The following AGBL1 variants were observed in gnomAD, a reference collection of about 807,000 sequenced individuals.
The protein encoded by AGBL1 is AGBL carboxypeptidase 1.
AGBL1 carries 130 observed loss-of-function variants against 118.9 expected under a neutral mutation model. The ratio of observed to expected loss-of-function variants is 1.09; its 90% confidence interval spans 0.95 to 1.26. AGBL1 has a LOEUF of 1.26. AGBL1 is among the 50% of genes most tolerant of loss of function. The probability of loss-of-function intolerance (pLI) is 0.00; values close to 1 mark genes in which losing one functional copy is unlikely to be tolerated. For synonymous variants in AGBL1, 555 were observed against 478.9 expected (o/e 1.16, Z -2.08); for missense variants, 1,584 against 1,298.1 (o/e 1.22, Z -3.38).
At chr15:87,021,907 G>A (rs999934766) in intron 24 of AGBL1, among the ~76,000 whole-genome samples, 1 of 152,108 alleles carries the variant, frequency 6.6e-6, no homozygotes, top group Non-Finnish European at 1.5e-5. Context: ...CAGGACCCAG[G>A]AGACATGCCA....
chr15:86,747,287 C>A (rs1408943828), intron 22 of AGBL1, among the ~76,000 whole-genome samples: 1 of 151,984 alleles, frequency 6.6e-6, no homozygotes, highest in African/African-American at 2.4e-5. Flanking sequence ...AGTAATAGCC[C>A]ATGTCTCCAT....
chr15:86,562,986 G>GAT (rs1371169308), intron 21 of AGBL1, among the ~76,000 whole-genome samples: 2 of 152,066 alleles, frequency 1.3e-5, no homozygotes, highest in Admixed American at 1.3e-4. Flanking sequence ...GATCGGTGGT[G>GAT]ATATCCCCTT....
At chr15:86,818,487 C>G (rs1266398006) in intron 22 of AGBL1, among the ~76,000 whole-genome samples, 1 of 152,200 alleles carries the variant, frequency 6.6e-6, no homozygotes, top group Non-Finnish European at 1.5e-5. Context: ...GGAACAGTTT[C>G]ATTCAGAAAC....
At chr15:86,183,003 G>T (rs2077575099) in intron 5 of AGBL1, among the ~76,000 whole-genome samples, 2 of 152,154 alleles carry the variant, frequency 1.3e-5, no homozygotes, top group Admixed American at 1.3e-4. Flanking sequence ...GTGATTAAGA[G>T]CAAACTTTGA....
intron 23 of AGBL1, among the ~76,000 whole-genome samples, chr15:86,970,855 GT>G (rs1177208402): frequency 6.6e-6 from 1 of 151,864 alleles, no homozygotes; most frequent in Non-Finnish European, 1.5e-5. Flanking sequence ...ACGAACTGAG[GT>G]TTTAAAATGT....
chr15:86,121,406 C>T (rs1243810630), intron 1 of AGBL1, among the ~76,000 whole-genome samples: 1 of 152,032 alleles, frequency 6.6e-6, no homozygotes, highest in African/African-American at 2.4e-5. Flanking sequence ...AGAGATTAGG[C>T]AAATATGTAA....
chr15:86,273,792 C>A (rs997534992), intron 15 of AGBL1, among the ~76,000 whole-genome samples: 1 of 152,166 alleles, frequency 6.6e-6, no homozygotes, highest in African/African-American at 2.4e-5. Flanking sequence ...TGCCAGGGTG[C>A]TCACTGTGGG....
At chr15:86,230,712 G>T (rs188367709) in intron 6 of AGBL1, among the ~76,000 whole-genome samples, 1 of 152,106 alleles carries the variant, frequency 6.6e-6, no homozygotes, top group African/African-American at 2.4e-5. Context: ...TTAAAAATTC[G>T]TTCTTATTAT....
chr15:86,136,334 G>C (rs2076888488), intron 1 of AGBL1, among the ~76,000 whole-genome samples: 2 of 152,226 alleles, frequency 1.3e-5, no homozygotes, highest in African/African-American at 4.8e-5. Context: ...TATGTACAAA[G>C]TGTTGTTGGA....
At chr15:86,822,608 C>T (rs1172907431) in intron 22 of AGBL1, among the ~76,000 whole-genome samples, 1 of 152,086 alleles carries the variant, frequency 6.6e-6, no homozygotes, top group African/African-American at 2.4e-5. Flanking sequence ...CTGTGGTTAG[C>T]AGGTCTATGC....
At chr15:86,443,918 G>A (rs2082092912) in intron 18 of AGBL1, among the ~76,000 whole-genome samples, 1 of 152,226 alleles carries the variant, frequency 6.6e-6, no homozygotes, top group South Asian at 2.1e-4. Context: ...TAAACATAAG[G>A]GTGCAGGTAT....
intron 23 of AGBL1, among the ~76,000 whole-genome samples, chr15:86,959,759 C>A (rs934716027): frequency 2.6e-5 from 4 of 151,864 alleles, no homozygotes; most frequent in Non-Finnish European, 4.4e-5. Flanking sequence ...GCTTCAATAC[C>A]CTTTCACAAG....
chr15:86,489,496 A>G (rs1439747809), intron 18 of AGBL1, among the ~76,000 whole-genome samples: 6 of 152,246 alleles, frequency 3.9e-5, no homozygotes, highest in Admixed American at 2.6e-4. Context: ...AACTAATTTA[A>G]TTCTGAGAAT....
intron 24 of AGBL1, among the ~76,000 whole-genome samples, chr15:87,008,513 T>C (rs1426800368): frequency 1.3e-5 from 2 of 152,140 alleles, no homozygotes; most frequent in East Asian, 1.9e-4. Context: ...ATCAGCAGTA[T>C]GAAAAGGGAC....
At chr15:86,241,529 A>C (rs2078641026) in intron 6 of AGBL1, among the ~76,000 whole-genome samples, 1 of 151,932 alleles carries the variant, frequency 6.6e-6, no homozygotes, top group Admixed American at 6.6e-5. Context: ...TTTTTTTCTC[A>C]CAGTTCTGGA....
At position 86,279,702 on chromosome 15, in the gene AGBL1, C is replaced by T. The variant is rs1266670026; in HGVS notation, c.2139C>T (p.Leu713=). 7 of 1,613,508 alleles carry T rather than the reference C, an allele frequency of 4.3e-6. No individual in the cohort carries two copies. The highest frequency in any genetic ancestry group is 1.3e-5 in the African/African-American group (1 of 75,010). ...GGASGKCYYT[L]TFAVTFPHSE... The stretch of plus-strand genomic sequence containing the variant: ...CATCTGGGAAGTGCTACTATACCCT[C>T]ACCTTTGCTGTCACCTTCCCACACA... The change falls in exon 16 of 23, where the codon CTC becomes CTT. Residue 713 remains leucine, a synonymous_variant. Transcript: ENST00000614907.
At chr15:86,835,784 G>A (rs1456572563) in intron 22 of AGBL1, among the ~76,000 whole-genome samples, 2 of 152,120 alleles carry the variant, frequency 1.3e-5, no homozygotes, top group Non-Finnish European at 1.5e-5. Context: ...AAGGGTGCAG[G>A]GCATTAGCTG....
At chr15:86,453,230 A>G (rs1165667700) in intron 18 of AGBL1, among the ~76,000 whole-genome samples, 2 of 152,212 alleles carry the variant, frequency 1.3e-5, no homozygotes, top group African/African-American at 2.4e-5. Flanking sequence ...AAAAGGTTGT[A>G]AGGGAACACA....
At chr15:86,411,364 G>A (rs982012873) in intron 18 of AGBL1, among the ~76,000 whole-genome samples, 4 of 152,100 alleles carry the variant, frequency 2.6e-5, no homozygotes, top group African/African-American at 9.7e-5. Context: ...ATTGCACCTC[G>A]AAGGCTGGCA....
Sources: gnomAD v4.1 joint callset for allele counts (sites outside exome capture counted in the v4.1 genomes callset) on GRCh38, gnomAD v4.1.1 for gene constraint, MANE v1.5 for transcripts, NCBI Gene and HGNC (gene_info 2026-07-23, HGNC 2026-07-21) for gene names.